BNC2: variants seen among roughly 807,000 people sequenced by gnomAD.
BNC2 encodes the protein basonuclin zinc finger protein 2.
In BNC2, 20 loss-of-function variants were observed where a neutral mutation model predicts 76.3. The ratio of observed to expected loss-of-function variants is 0.26; its 90% CI spans 0.18 to 0.38. BNC2 has a LOEUF of 0.38. Ranked by LOEUF, BNC2 falls within the 10% of genes least tolerant of loss-of-function variation. The pLI is 1.00. For synonymous variants in BNC2, 582 were observed against 514.8 expected, an observed-to-expected ratio of 1.13 and a Z score of -1.77; for missense variants, 1,382 against 1,399.8, an observed-to-expected ratio of 0.99 and a Z score of 0.20.
At chr9:16,639,402 A>G (rs1264828544) in intron 3 of BNC2, among the ~76,000 whole-genome samples, 4 of 152,222 alleles carry the variant, frequency 2.6e-5, no homozygotes, top group Non-Finnish European at 5.9e-5. Context: ...TTCTGTAGAC[A>G]TAGGTCTAAC....
chr9:16,754,287 GCCAAACC>G (rs1825311491), intron 1 of BNC2, among the ~76,000 whole-genome samples: 2 of 152,070 alleles, frequency 1.3e-5, no homozygotes, highest in African/African-American at 4.8e-5. Context: ...TTTCCTACTT[GCCAAACC>G]CCAGAGTTCC....
At chr9:16,537,814 TGG>T (rs931777149) in intron 5 of BNC2, among the ~76,000 whole-genome samples, 2 of 152,198 alleles carry the variant, frequency 1.3e-5, no homozygotes, top group Non-Finnish European at 2.9e-5. Flanking sequence ...GGATGCTGTT[TGG>T]GCCTTCAAAG....
chr9:16,745,686 G>A (rs868606848), intron 1 of BNC2, among the ~76,000 whole-genome samples: 21 of 152,066 alleles, frequency 1.4e-4, no homozygotes, highest in South Asian at 2.1e-4. Flanking sequence ...GTACCAAAAT[G>A]TTTTCTATTA....
chr9:16,691,962 C>T (rs1823186402), intron 3 of BNC2, among the ~76,000 whole-genome samples: 1 of 151,932 alleles, frequency 6.6e-6, no homozygotes. Context: ...AGGTGCCTGC[C>T]ACCATGCCTG....
At chr9:16,682,902 T>C (rs1822867113) in intron 3 of BNC2, among the ~76,000 whole-genome samples, 1 of 152,156 alleles carries the variant, frequency 6.6e-6, no homozygotes, top group African/African-American at 2.4e-5. Context: ...ATATCAGCAA[T>C]TAAGGAGAGT....
intron 3 of BNC2, chr9:16,625,974 A>G (rs1167733958): frequency 6.6e-6 from 1 of 152,208 alleles, no homozygotes; most frequent in Non-Finnish European, 1.5e-5. Flanking sequence ...AACTGGAATC[A>G]TTTTTGGTCC....
chr9:16,741,997 C>T (rs1824866186), intron 1 of BNC2, among the ~76,000 whole-genome samples: 1 of 147,828 alleles, frequency 6.8e-6, no homozygotes, highest in East Asian at 2.0e-4. Context: ...ACACGTATAC[C>T]TTGATGGGCA....
At position 16,445,493 on chromosome 9, in the gene BNC2, T is replaced by C. The variant is rs569025647; in HGVS notation, c.670-7969A>G. Reference sequence around the variant, plus strand: ...TGTACCAAATGGTTCAAATTAGAACTTTTTTTTTTTTAAATCAACATTTGT... The same window carrying C: ...TGTACCAAATGGTTCAAATTAGAACCTTTTTTTTTTTAAATCAACATTTGT... On this transcript the variant is annotated intron_variant, in intron 5 of 6. Transcript: ENST00000380672. Among the ~76,000 whole-genome samples the C allele has an allele frequency of 1.4e-5, 2 of 146,214 alleles. 1 individual carries two copies. The highest frequency in any genetic ancestry group is 7.0e-3 in the Middle Eastern group (2 of 284).
chr9:16,464,667 A>T (rs1182579604), intron 5 of BNC2, among the ~76,000 whole-genome samples: 1 of 152,002 alleles, frequency 6.6e-6, no homozygotes, highest in African/African-American at 2.4e-5. Flanking sequence ...AGCAATTCTC[A>T]TGCCTCAGCC....
intron 3 of BNC2, among the ~76,000 whole-genome samples, chr9:16,620,496 C>T (rs1820836171): frequency 6.6e-6 from 1 of 152,150 alleles, no homozygotes; most frequent in African/African-American, 2.4e-5. Context: ...CATCTGATAT[C>T]ATTATAAAAA....
chr9:16,479,263 AGAAAAGAAAAG>A (rs1563802584), intron 5 of BNC2, among the ~76,000 whole-genome samples: 1 of 101,678 alleles, frequency 9.8e-6, no homozygotes, highest in African/African-American at 6.1e-5. Flanking sequence ...AAAAAAAAAA[AGAAAAGAAAAG>A]AAAAAGAAAA....
intron 3 of BNC2, among the ~76,000 whole-genome samples, chr9:16,613,521 A>G (rs918707781): frequency 1.3e-5 from 2 of 152,188 alleles, no homozygotes; most frequent in African/African-American, 4.8e-5. Context: ...CAGAATAGGT[A>G]TTTATAACAA....
intron 5 of BNC2, among the ~76,000 whole-genome samples, chr9:16,454,119 A>T (rs568439301): frequency 4.6e-5 from 7 of 152,212 alleles, no homozygotes; most frequent in African/African-American, 1.7e-4. Context: ...TCTGTTCAGA[A>T]GTCCCATTCT....
chr9:16,704,829 A>G (rs1426532481), intron 3 of BNC2: 1 of 152,510 alleles, frequency 6.6e-6, no homozygotes, highest in Non-Finnish European at 1.5e-5. Context: ...ACAGCAGAAC[A>G]CAGCCTTGGG....
intron 3 of BNC2, among the ~76,000 whole-genome samples, chr9:16,631,074 T>C (rs1019314194): frequency 3.9e-5 from 6 of 152,138 alleles, no homozygotes; most frequent in African/African-American, 1.4e-4. Context: ...TGATTTACTT[T>C]GAACAATTCT....
intron 2 of BNC2, among the ~76,000 whole-genome samples, chr9:16,731,226 A>G (rs1380770954): frequency 2.6e-5 from 4 of 152,246 alleles, no homozygotes; most frequent in African/African-American, 9.6e-5. Flanking sequence ...AAATTATTTA[A>G]AACTAGAAGG....
intron 3 of BNC2, among the ~76,000 whole-genome samples, chr9:16,648,838 T>A (rs1482334552): frequency 2.6e-5 from 4 of 152,192 alleles, no homozygotes; most frequent in Non-Finnish European, 5.9e-5. Context: ...TAGGAATAGT[T>A]TTTTAGCAGA....
intron 1 of BNC2, among the ~76,000 whole-genome samples, chr9:16,785,678 C>G (rs1826271705): frequency 6.6e-6 from 1 of 151,454 alleles, no homozygotes; most frequent in South Asian, 2.1e-4. Flanking sequence ...GATGAGCCAC[C>G]ACGCCCAGCC....
chr9:16,712,416 A>G (rs1015315502), intron 3 of BNC2, among the ~76,000 whole-genome samples: 3 of 152,232 alleles, frequency 2.0e-5, no homozygotes, highest in Non-Finnish European at 4.4e-5. Context: ...ATGAAGCTTT[A>G]TAAGATTTTT....
Sources: gnomAD v4.1 joint callset for allele counts (sites outside exome capture counted in the v4.1 genomes callset) on GRCh38, gnomAD v4.1.1 for gene constraint, MANE v1.5 for transcripts, NCBI Gene and HGNC (gene_info 2026-07-23, HGNC 2026-07-21) for gene names.